Variants in PCDHA1 observed in about 807,000 individuals in gnomAD.
PCDHA1 encodes the protein protocadherin alpha-1.
PCDHA1 carries 42 observed loss-of-function variants against 61.3 expected under a neutral mutation model. The ratio of observed to expected loss-of-function variants is 0.69; its 90% confidence interval spans 0.54 to 0.89. The LOEUF is 0.89. Among genes scored for constraint, PCDHA1 ranks in the 40% least tolerant of loss-of-function variants. The probability of loss-of-function intolerance (pLI) is 0.00; values close to 1 mark genes in which losing one functional copy is unlikely to be tolerated. For missense variants in PCDHA1, 1,256 were observed against 1,235.3 expected (o/e 1.02, Z -0.25); for synonymous variants, 610 against 553.8 (o/e 1.10, Z -1.43).
Position 140,849,936 on chromosome 5 carries a change from G to C in PCDHA1, c.2394+61252G>C, listed in dbSNP as rs2041236618. The C allele has an allele frequency of 2.5e-6, 4 of 1,598,080 alleles. 1 individual carries two copies. Among genetic ancestry groups the C allele is most frequent in the Non-Finnish European group, 3.4e-6 (4 of 1,167,760 alleles). On this transcript the variant is annotated intron_variant, in intron 1 of 3. Transcript: ENST00000504120. ...CCACATCTTCACGGTGTCTGCGCGG[G>C]ACGCTGACGCGCAGGAGAACGCCCT...
At chr5:140,800,194 A>G (rs782677898) in intron 1 of PCDHA1, among the ~76,000 whole-genome samples, 2 of 152,152 alleles carry the variant, frequency 1.3e-5, no homozygotes, top group Non-Finnish European at 2.9e-5. Flanking sequence ...TAAACCTAAT[A>G]TATTCTTAAT....
Position 140,862,212 on chromosome 5 carries a change from G to T in PCDHA1, c.2394+73528G>T, listed in dbSNP as rs2047258044. ...TTCCCCAATGTTTGATCACTGCACA[G>T]ACTTGATAGAAGTCTTGGACATCAA... On this transcript the variant is annotated intron_variant, in intron 1 of 3. Transcript: ENST00000504120. The T allele has an allele frequency of 2.0e-5, 4 of 203,790 alleles. No homozygotes were observed. In the South Asian group the frequency reaches 4.0e-4, roughly 20 times the overall value. The allele number at this position is 203,790 out of a possible 1,614,324, so 12.6% of individuals were successfully genotyped here.
chr5:140,969,372 T>G, intron 1 of PCDHA1: 1 of 1,606,704 alleles, frequency 6.2e-7, no homozygotes, highest in Non-Finnish European at 8.5e-7. Context: ...ACTCATGCAT[T>G]TGTTACACAT....
At chr5:140,804,896 A>T in intron 1 of PCDHA1, 4 of 723,606 alleles carry the variant, frequency 5.5e-6, no homozygotes, top group Non-Finnish European at 6.2e-6. Flanking sequence ...CCTTCCCCTC[A>T]CTTCCATTTT....
intron 1 of PCDHA1, chr5:140,867,791 C>T (rs2050146253): frequency 1.3e-5 from 2 of 152,072 alleles, no homozygotes; most frequent in African/African-American, 2.4e-5. Context: ...CTGTATTTTA[C>T]TTAGCATTTT....
intron 1 of PCDHA1, chr5:140,802,540 T>C (rs782305354): frequency 1.7e-5 from 28 of 1,614,016 alleles, no homozygotes; most frequent in Non-Finnish European, 2.1e-5. Context: ...GTGGCCGACG[T>C]GAACGACAAT....
Position 140,835,938 on chromosome 5 carries a change from G to C in PCDHA1, c.2394+47254G>C, listed in dbSNP as rs1298713019. The C allele has an allele frequency of 3.7e-6, 6 of 1,612,516 alleles. No individual in the cohort carries two copies. The South Asian group carries it at 6.6e-5, about 18-fold the overall frequency. On this transcript the variant is annotated intron_variant, in intron 1 of 3. Coordinates refer to ENST00000504120, the MANE Select transcript of PCDHA1 (RefSeq NM_018900.4). The stretch of plus-strand genomic sequence containing the variant: ...GCACGCGGAGAGCGGCAAGGTGTAC[G>C]CGCTGCAGCCGTTGGACCACGAGGA...
intron 1 of PCDHA1, chr5:140,808,545 C>T (rs782621345): frequency 9.3e-6 from 15 of 1,614,116 alleles, no homozygotes; most frequent in South Asian, 8.8e-5. Context: ...GACAACGCTC[C>T]GGCGTTCGCG....
chr5:140,858,128 G>A (rs782090771), intron 1 of PCDHA1: 11 of 1,597,872 alleles, frequency 6.9e-6, no homozygotes, highest in Non-Finnish European at 9.4e-6. Context: ...CCTGGTGGAT[G>A]TCAACGTGTA....
At chr5:140,871,062 C>T (rs1434880600) in intron 1 of PCDHA1, 2 of 1,613,102 alleles carry the variant, frequency 1.2e-6, no homozygotes, top group African/African-American at 2.7e-5. Context: ...TGAAGGATCA[C>T]GGTGAGCCGG....
intron 1 of PCDHA1, among the ~76,000 whole-genome samples, chr5:140,874,080 C>A (rs2054679872): frequency 6.6e-6 from 1 of 152,142 alleles, no homozygotes; most frequent in South Asian, 2.1e-4. Flanking sequence ...CTGATGACAT[C>A]AAAATTCAAA....
At chr5:140,881,085 A>G (rs1554171740) in intron 1 of PCDHA1, among the ~76,000 whole-genome samples, 1 of 152,156 alleles carries the variant, frequency 6.6e-6, no homozygotes, top group East Asian at 1.9e-4. Flanking sequence ...GCTATGATAT[A>G]TTTTTCATTA....
intron 1 of PCDHA1, chr5:140,795,300 G>GC: frequency 6.2e-7 from 1 of 1,614,256 alleles, no homozygotes; most frequent in Non-Finnish European, 8.5e-7. Flanking sequence ...TCGTGGACAG[G>GC]CCGCTGCAGG....
At chr5:140,841,728 A>G (rs1777450155) in intron 1 of PCDHA1, 3 of 1,613,768 alleles carry the variant, frequency 1.9e-6, no homozygotes, top group Admixed American at 3.3e-5. Flanking sequence ...TTCCGGGTAA[A>G]AGACCAAAAG....
At chr5:140,857,708 G>C (rs1554150547) in intron 1 of PCDHA1, 8 of 1,597,392 alleles carry the variant, frequency 5.0e-6, no homozygotes, top group Non-Finnish European at 6.0e-6. Flanking sequence ...GCAGGTGTTC[G>C]TGCTGGACGA....
chr5:140,822,178 CAAG>C (rs2150114388), intron 1 of PCDHA1: 27 of 1,614,126 alleles, frequency 1.7e-5, no homozygotes, highest in Middle Eastern at 1.6e-4. Flanking sequence ...GTTCTCCAGA[CAAG>C]AACAAAGATT....
chr5:140,821,488 A>G, intron 1 of PCDHA1: 1 of 297,184 alleles, frequency 3.4e-6, no homozygotes, highest in Non-Finnish European at 6.2e-6. Context: ...AATACTTGAG[A>G]AATATTGACG....
At chr5:140,898,677 T>C (rs1197350501) in intron 1 of PCDHA1, among the ~76,000 whole-genome samples, 2 of 152,222 alleles carry the variant, frequency 1.3e-5, no homozygotes, top group Non-Finnish European at 2.9e-5. Flanking sequence ...TTGCGGGCTG[T>C]TTTTTGGTTC....
At chr5:140,951,487 G>A (rs1563250651) in intron 1 of PCDHA1, among the ~76,000 whole-genome samples, 1 of 151,938 alleles carries the variant, frequency 6.6e-6, no homozygotes, top group Non-Finnish European at 1.5e-5. Flanking sequence ...CAAGAATCAT[G>A]GTGGAAGGCA....
Sources: allele counts gnomAD v4.1 joint callset (sites outside exome capture counted in the v4.1 genomes callset), GRCh38; gene constraint gnomAD v4.1.1; transcripts MANE v1.5; gene names NCBI Gene and HGNC (gene_info 2026-07-23, HGNC 2026-07-21).